The following MRPS2 variants were observed in gnomAD, a reference collection of about 807,000 sequenced individuals.
MRPS2 encodes the protein small ribosomal subunit protein uS2m.
Under a neutral mutation model 18.9 loss-of-function variants are expected in MRPS2, and 13 were observed. That is an observed-to-expected ratio of 0.69 (90% CI 0.45 to 1.09). MRPS2 has a LOEUF of 1.09. MRPS2 is among the 50% of genes least tolerant of loss of function. The pLI is 0.00. For synonymous variants in MRPS2, 186 were observed against 178.4 expected, an observed-to-expected ratio of 1.04 and a Z score of -0.34; for missense variants, 389 against 421.7, an observed-to-expected ratio of 0.92 and a Z score of 0.68.
At chr9:135,500,639 C>G, upstream of MRPS2, 1 of 1,383,874 alleles carries the variant, frequency 7.2e-7, no homozygotes, top group South Asian at 1.6e-5. Flanking sequence ...CGGCCCCGCG[C>G]GGATGGCGAC....
At position 135,503,856 on chromosome 9, in the gene MRPS2, C is replaced by A. The variant is rs913089865; in HGVS notation, c.614C>A (p.Pro205Gln). The A allele has an allele frequency of 5.0e-6, 8 of 1,613,814 alleles. No homozygotes were observed. Among genetic ancestry groups the A allele is most frequent in the Non-Finnish European group, 5.1e-6 (6 of 1,180,052 alleles). Residue 205 changes from proline to glutamine, a missense_variant, in exon 4 of 4, where the codon CCA becomes CAA. Pro to Gln is a moderately conservative substitution (Grantham distance 76). Coordinates refer to ENST00000241600, the MANE Select transcript of MRPS2 (RefSeq NM_016034.5). ...CACACGCTCAACAACATCTTTGAGC[C>A]ACACGTGGCCGTGAGAGACGCAGCC... Reference protein sequence around the residue: ...FLHTLNNIFEPHVAVRDAAKM... With the variant: ...FLHTLNNIFEQHVAVRDAAKM...
At chr9:135,501,147 T>C (rs2119357487) in intron 2 of MRPS2, 24 bp downstream of exon 2, 3 of 1,567,930 alleles carry the variant, frequency 1.9e-6, no homozygotes, top group Non-Finnish European at 2.6e-6. Flanking sequence ...CCCAGCCGAG[T>C]TGGGTGGGAA....
At chr9:135,502,370 TGGGA>T in intron 3 of MRPS2, 39 of 173,938 alleles carry the variant, frequency 2.2e-4, no homozygotes, top group Non-Finnish European at 3.6e-4. Context: ...GGGGAGGGGA[TGGGA>T]GGGGCAGGTG....
In MRPS2 at chr9:135,503,773, C is replaced by T. The variant is rs1433629914; in HGVS notation, c.531C>T (p.Thr177=). ...GCTACTTCAGGGGCGGCATGCTGAC[C>T]AACGCGCGCCTCCTCTTTGGCCCCA... ...HTRYFRGGML[T]NARLLFGPTV... Residue 177 remains threonine, a synonymous_variant, in exon 4 of 4, where the codon ACC becomes ACT. Transcript: ENST00000241600. 1 of 1,612,858 alleles carries T rather than the reference C, an allele frequency of 6.2e-7. No individual in the cohort carries two copies. Among genetic ancestry groups the T allele is most frequent in the South Asian group, 1.1e-5 (1 of 91,080 alleles).
At chr9:135,501,763 A>G in intron 2 of MRPS2, 81 bp from the exon 3 acceptor site, 1 of 1,568,444 alleles carries the variant, frequency 6.4e-7, no homozygotes, top group Non-Finnish European at 8.6e-7. Context: ...ACTTGGGAGC[A>G]GGGGTGGGCG....
intron 3 of MRPS2, chr9:135,502,266 G>A (rs1831164503): frequency 4.1e-6 from 5 of 1,215,046 alleles, no homozygotes; most frequent in East Asian, 9.5e-5. Flanking sequence ...GAACCTGTAA[G>A]GTTGGTCCCC....
intron 1 of MRPS2, 61 bp from the exon 2 acceptor site, chr9:135,500,937 T>G: frequency 1.0e-5 from 16 of 1,600,100 alleles, no homozygotes; most frequent in Non-Finnish European, 1.4e-5. Context: ...GGGGATGCGG[T>G]GGGGAGCGGG....
At chr9:135,503,178 A>G (rs1487419400) in intron 3 of MRPS2, 2 of 1,081,684 alleles carry the variant, frequency 1.8e-6, no homozygotes, top group Non-Finnish European at 2.2e-6. Flanking sequence ...TCATCCGCAA[A>G]GCCTCGGGAA....
upstream of MRPS2, chr9:135,500,616 G>A: frequency 7.6e-7 from 1 of 1,319,652 alleles, no homozygotes; most frequent in Non-Finnish European, 9.8e-7. Context: ...CTCCGGGCCT[G>A]TAGGCGGCAC....
rs1399348077 is a variant in MRPS2 at position 135,503,890 on chromosome 9, C to T, written c.648C>T (p.Asn216=). The stretch of plus-strand genomic sequence containing the variant: ...CCGTGAGAGACGCAGCCAAGATGAA[C>T]ATCCCCACAGTGGGCATCGTGGACA... ...HVAVRDAAKM[N]IPTVGIVDTN... The change falls in exon 4 of 4, where the codon AAC becomes AAT. Residue 216 remains asparagine (N), a synonymous_variant. Coordinates refer to ENST00000241600, the MANE Select transcript of MRPS2 (RefSeq NM_016034.5). 8 of 1,613,930 alleles carry T rather than the reference C, an allele frequency of 5.0e-6. No homozygotes were observed. The highest frequency in any genetic ancestry group is 1.3e-5 in the African/African-American group (1 of 74,934).
chr9:135,502,759 T>A (rs1588369474), intron 3 of MRPS2: 1 of 151,282 alleles, frequency 6.6e-6, no homozygotes, highest in African/African-American at 2.4e-5. Context: ...GAAAAGGAGG[T>A]CCAAGGTGGA....
chr9:135,500,048 C>T, upstream of MRPS2: 1 of 627,292 alleles, frequency 1.6e-6, no homozygotes, highest in Non-Finnish European at 2.6e-6. Context: ...CTGCTGGGAC[C>T]GTCGTGTGAG....
chr9:135,503,087 G>T, intron 3 of MRPS2: 1 of 996,488 alleles, frequency 1.0e-6, no homozygotes, highest in Non-Finnish European at 1.2e-6. Flanking sequence ...AGGGTTCCCC[G>T]CCCAGGCTTG....
In MRPS2 at chr9:135,503,835, C is replaced by T. The variant is rs776170285; in HGVS notation, c.593C>T (p.Thr198Met). Residue 198 changes from threonine to methionine, a missense_variant, in exon 4 of 4, where the codon ACG (threonine) becomes ATG (methionine). Thr to Met is a moderately conservative substitution (Grantham distance 81). Coordinates refer to ENST00000241600, the MANE Select transcript of MRPS2 (RefSeq NM_016034.5). The part of the protein sequence containing the change: ...RLPDLIIFLH[T>M]LNNIFEPHVA... ...CCGGACCTCATCATCTTCCTGCACACGCTCAACAACATCTTTGAGCCACAC... is the reference window on the plus strand; with the variant it reads ...CCGGACCTCATCATCTTCCTGCACATGCTCAACAACATCTTTGAGCCACAC... The T allele has an allele frequency of 2.5e-5, 41 of 1,613,634 alleles. No individual in the cohort carries two copies. Among genetic ancestry groups the T allele is most frequent in the Admixed American group, 5.0e-5 (3 of 60,004 alleles).
chr9:135,501,022 T>G lies in MRPS2; in HGVS notation c.68T>G (p.Leu23Trp). The G allele has an allele frequency of 6.2e-7, 1 of 1,611,522 alleles. No homozygotes were observed. Reference sequence around the variant, plus strand: ...GGTGCCCGGGCCCCGTCGCGCTGGTTGGGCTTTCTCGGGAAGGCGACCCCC... The same window carrying G: ...GGTGCCCGGGCCCCGTCGCGCTGGTGGGGCTTTCTCGGGAAGGCGACCCCC... ...GAGARAPSRWLGFLGKATPRP... is the reference protein window; with the variant it reads ...GAGARAPSRWWGFLGKATPRP... Residue 23 changes from leucine to tryptophan, a missense_variant, in exon 2 of 4, where the codon TTG (leucine) becomes TGG (tryptophan). By Grantham distance (61) the Leu-to-Trp change is moderately conservative. Transcript: ENST00000241600.
In MRPS2 at chr9:135,500,721, C is replaced by T. The variant is rs1276524120; in HGVS notation, c.11C>T (p.Ser4Phe). The change falls in exon 1 of 4, where the codon TCC becomes TTC. Residue 4 changes from serine (S) to phenylalanine (F), a missense_variant. Transcript: ENST00000241600. MAT[S>F]SAALPRILGA... Reference sequence around the variant, plus strand: ...CCCCGCGTCCCAGCCATGGCGACATCCTCGGCCGCGCTGCCCCGAATACTC... The same window carrying T: ...CCCCGCGTCCCAGCCATGGCGACATTCTCGGCCGCGCTGCCCCGAATACTC... The T allele has an allele frequency of 6.8e-7, 1 of 1,480,550 alleles. No individual in the cohort carries two copies. The highest frequency in any genetic ancestry group is 1.3e-5 in the South Asian group (1 of 74,726). The allele number at this position is 1,480,550 out of a possible 1,614,324, so 91.7% of individuals were successfully genotyped here.
chr9:135,503,906 A>G lies in MRPS2; in HGVS notation c.664A>G (p.Ile222Val), dbSNP rs1413936196. The G allele has an allele frequency of 3.7e-6, 6 of 1,614,004 alleles. No homozygotes were observed. Among genetic ancestry groups the G allele is most frequent in the Non-Finnish European group, 4.2e-6 (5 of 1,180,034 alleles). Residue 222 changes from isoleucine (I) to valine (V), a missense_variant, in exon 4 of 4, where the codon ATC becomes GTC. Physicochemically the swap from Ile to Val is conservative, Grantham distance 29. Transcript: ENST00000241600. ...AAKMNIPTVG[I>V]VDTNCNPCLI... ...CAAGATGAACATCCCCACAGTGGGC[A>G]TCGTGGACACCAACTGCAACCCCTG...
intron 3 of MRPS2, chr9:135,502,267 G>A (rs1488043698): frequency 8.3e-7 from 1 of 1,202,658 alleles, no homozygotes; most frequent in East Asian, 5.0e-5. Context: ...AACCTGTAAG[G>A]TTGGTCCCCC....
chr9:135,503,652 A>C lies in MRPS2; in HGVS notation c.410A>C (p.Tyr137Ser), dbSNP rs1239079733. ...LALNFTAHMA[Y>S]RKGIILFISR... ...TTGAACTTCACCGCCCACATGGCCT[A>C]CCGCAAGGGCATCATCTTGTTTATA... is the stretch of plus-strand genomic sequence containing the variant. Residue 137 changes from tyrosine (Y) to serine (S), a missense_variant, in exon 4 of 4, where the codon TAC (tyrosine) becomes TCC (serine). Physicochemically the swap from Tyr to Ser is moderately radical, Grantham distance 144. Coordinates refer to ENST00000241600, the MANE Select transcript of MRPS2 (RefSeq NM_016034.5). The C allele has an allele frequency of 6.2e-7, 1 of 1,613,822 alleles. No homozygotes were observed. The highest frequency in any genetic ancestry group is 8.5e-7 in the Non-Finnish European group (1 of 1,180,034).
Sources: gnomAD v4.1 joint callset for allele counts on GRCh38, gnomAD v4.1.1 for gene constraint, MANE v1.5 for transcripts, NCBI Gene and HGNC (gene_info 2026-07-23, HGNC 2026-07-21) for gene names.